ABHD14B: variants seen among roughly 807,000 people sequenced by gnomAD.
ABHD14B encodes the protein abhydrolase domain containing 14B, also known as putative protein-lysine deacylase ABHD14B.
A neutral mutation model predicts 15.4 loss-of-function variants in ABHD14B; 19 were observed. The ratio of observed to expected loss-of-function variants is 1.23; its 90% CI spans 0.86 to 1.81. ABHD14B has a LOEUF of 1.81. Among genes scored for constraint, ABHD14B ranks in the 40% most tolerant of loss-of-function variants. The probability of loss-of-function intolerance (pLI) is 0.00; values close to 1 mark genes in which losing one functional copy is unlikely to be tolerated. For synonymous variants in ABHD14B, 92 were observed against 117.3 expected (o/e 0.78, Z 1.39); for missense variants, 243 against 267.0 (o/e 0.91, Z 0.63).
At chr3:51,971,423 T>A in intron 2 of ABHD14B, 37 bp downstream of exon 2, 1 of 1,498,542 alleles carries the variant, frequency 6.7e-7, no homozygotes, top group South Asian at 1.3e-5. Context: ...TAATGAGACC[T>A]CCCCAAACCC....
At position 51,969,369 on chromosome 3, in the gene ABHD14B, G is replaced by A. The variant is rs1465364774; in HGVS notation, c.*57C>T. ...CAGAGCCTGGGAGAGAAGAGAGAGC[G>A]TGCAAGAGAGAGCTCAGAGCAGGCA... On this transcript the variant is annotated 3_prime_UTR_variant, in exon 4 of 4. Transcript: ENST00000361143. 3.2e-6 allele frequency: 5 copies of A among 1,538,858 alleles called. No individual in the cohort carries two copies. Among genetic ancestry groups the A allele is most frequent in the Admixed American group, 1.9e-5 (1 of 52,312 alleles).
chr3:51,974,070 G>C, upstream of ABHD14B: 1 of 1,285,486 alleles, frequency 7.8e-7, no homozygotes, highest in Non-Finnish European at 1.0e-6. Context: ...ATCCAGCGGG[G>C]GCGGGGACTG....
rs370154891 is a variant in ABHD14B at position 51,969,382 on chromosome 3, C to T, written c.*44G>A. ...AGAAGAGAGAGCGTGCAAGAGAGAG[C>T]TCAGAGCAGGCAGGCAGCCCACCCC... On this transcript the variant is annotated 3_prime_UTR_variant, in exon 4 of 4. Transcript: ENST00000361143. 5.1e-5 allele frequency: 80 copies of T among 1,566,166 alleles called. No homozygotes were observed. The African/African-American group carries it at 8.0e-4, about 16-fold the overall frequency.
rs765082369 is a variant in ABHD14B, at chr3:51,969,646, A to AC, written c.454-42dup. On this transcript the variant is annotated intron_variant, in intron 3 of 3. Transcript: ENST00000361143. ...GGGGGGTGGGGCAGAGTCAACAGGG[A>AC]CCTGCCATAGCATCCCCAGCCCTCC... The AC allele has an allele frequency of 9.6e-6, 15 of 1,567,444 alleles. No individual in the cohort carries two copies. In the East Asian group the frequency reaches 3.4e-4, roughly 36 times the overall value.
intron 2 of ABHD14B, 181 bp downstream of exon 2, chr3:51,971,279 T>G: frequency 1.6e-6 from 1 of 635,728 alleles, no homozygotes; most frequent in Non-Finnish European, 2.6e-6. Flanking sequence ...TCAAGACTGC[T>G]CAGAGGCCCT....
chr3:51,971,772 A>G (rs2106799200), intron 1 of ABHD14B, 74 bp from the exon 2 acceptor site: 1 of 1,500,652 alleles, frequency 6.7e-7, no homozygotes, highest in Non-Finnish European at 8.9e-7. Context: ...AGGAGCAGCA[A>G]GGAAGCCTCC....
Position 51,970,068 on chromosome 3 carries a change from G to GACT in ABHD14B, c.325_327dup (p.Ser109dup). The GACT allele has an allele frequency of 6.2e-7, 1 of 1,612,940 alleles. No individual in the cohort carries two copies. The highest frequency in any genetic ancestry group is 1.1e-5 in the South Asian group (1 of 91,006). ...AGGGAGTACATGCCACTCAGTGATG[G>GACT]ACTGATCACAACCGGGGGGCCCAGC... On this transcript the variant is annotated inframe_insertion, in exon 3 of 4. Coordinates refer to ENST00000361143, the MANE Select transcript of ABHD14B (RefSeq NM_001146314.2).
chr3:51,971,934 A>G (rs1042100710), intron 1 of ABHD14B: 15 of 823,342 alleles, frequency 1.8e-5, no homozygotes, highest in Middle Eastern at 4.0e-4. Context: ...AGAATTAGCA[A>G]TTTAATTAAA....
chr3:51,970,331 A>G, intron 2 of ABHD14B, 147 bp from the exon 3 acceptor site: 1 of 1,061,886 alleles, frequency 9.4e-7, no homozygotes, highest in South Asian at 1.7e-5. Flanking sequence ...GTTTATTCCT[A>G]CAGTAGCCTC....
At chr3:51,973,519 CTTT>C (rs529939216) in intron 1 of ABHD14B, among the ~76,000 whole-genome samples, 1 of 120,898 alleles carries the variant, frequency 8.3e-6, no homozygotes. Flanking sequence ...TTTTTTTTTT[CTTT>C]TTTTTTTTTT....
chr3:51,974,380 G>A, upstream of ABHD14B: 1 of 274,034 alleles, frequency 3.6e-6, no homozygotes. Context: ...GTTGAGGCCC[G>A]ACAGGTTTGA....
intron 2 of ABHD14B, chr3:51,970,820 G>A (rs778160302): frequency 2.2e-5 from 10 of 455,640 alleles, no homozygotes; most frequent in Non-Finnish European, 8.8e-6. Context: ...CTGAGGGGGT[G>A]GGGCCAGCCA....
Position 51,969,475 on chromosome 3 carries a change from G to A in ABHD14B, c.584C>T (p.Pro195Leu). 6.2e-7 allele frequency: 1 copy of A among 1,613,928 alleles called. No homozygotes were observed. ...GAGHPCYLDK[P>L]EEWHTGLLDF... ...CAGCAGCCCTGTATGCCACTCCTCTGGTTTGTCCAGGTAACAGGGGTGCCC... is the reference window on the plus strand; with the variant it reads ...CAGCAGCCCTGTATGCCACTCCTCTAGTTTGTCCAGGTAACAGGGGTGCCC... The change falls in exon 4 of 4, where the codon CCA becomes CTA. Residue 195 changes from proline (P) to leucine (L), a missense_variant. Transcript: ENST00000361143.
chr3:51,974,481 G>A (rs966149104), upstream of ABHD14B: 1 of 229,264 alleles, frequency 4.4e-6, no homozygotes, highest in Non-Finnish European at 8.9e-6. Flanking sequence ...CGGGTCAGAT[G>A]TTGCCAACCT....
chr3:51,973,339 C>T (rs1189264576), intron 1 of ABHD14B, among the ~76,000 whole-genome samples: 1 of 151,806 alleles, frequency 6.6e-6, no homozygotes. Context: ...CGTGAGCCAC[C>T]GTGCACGGCC....
At chr3:51,974,286 G>T, upstream of ABHD14B, 1 of 343,328 alleles carries the variant, frequency 2.9e-6, no homozygotes, top group Non-Finnish European at 5.7e-6. Flanking sequence ...CTTCGGGATC[G>T]CATCCTTGCT....
rs375063693 is a variant in ABHD14B, at chr3:51,971,535, C to T, written c.136G>A (p.Glu46Lys). The T allele has an allele frequency of 2.9e-5, 46 of 1,613,386 alleles. No individual in the cohort carries two copies. Among genetic ancestry groups the T allele is most frequent in the African/African-American group, 2.3e-4 (17 of 74,912 alleles). Residue 46 changes from glutamate (E) to lysine (K), a missense_variant, in exon 2 of 4, where the codon GAG (glutamate) becomes AAG (lysine). Transcript: ENST00000361143. ...LLLHGIRFSSETWQNLGTLHR... is the reference protein window; with the variant it reads ...LLLHGIRFSSKTWQNLGTLHR... Reference sequence around the variant, plus strand: ...AGTGTACCCAGGTTCTGCCAGGTCTCGGAGGAGAAGCGAATACCATGCAGC... The same window carrying T: ...AGTGTACCCAGGTTCTGCCAGGTCTTGGAGGAGAAGCGAATACCATGCAGC...
intron 2 of ABHD14B, 43 bp from the exon 3 acceptor site, chr3:51,970,227 A>C: frequency 1.3e-6 from 2 of 1,515,868 alleles, no homozygotes; most frequent in Non-Finnish European, 1.8e-6. Context: ...AAGGGCAGTG[A>C]ATGGCAAAAC....
At chr3:51,972,534 T>C (rs573019183) in intron 1 of ABHD14B, among the ~76,000 whole-genome samples, 45 of 152,096 alleles carry the variant, frequency 3.0e-4, no homozygotes, top group African/African-American at 1.0e-3. Context: ...GAACGCGCCA[T>C]TGCACTCCAG....
Sources: allele counts gnomAD v4.1 joint callset (sites outside exome capture counted in the v4.1 genomes callset), GRCh38; gene constraint gnomAD v4.1.1; transcripts MANE v1.5; gene names NCBI Gene and HGNC (gene_info 2026-07-23, HGNC 2026-07-21).